The following MAP2 variants were observed in gnomAD, a reference collection of about 807,000 sequenced individuals.
The protein encoded by MAP2 is microtubule associated protein 2.
A neutral mutation model predicts 137.6 loss-of-function variants in MAP2; 14 were observed. The observed-to-expected ratio is 0.10, with a 90% CI of 0.07 to 0.16. The LOEUF (loss-of-function observed/expected upper bound fraction) is 0.16, where lower values mean the gene tolerates loss of function less well. Ranked by LOEUF, MAP2 falls within the 10% of genes least tolerant of loss-of-function variation. The pLI, the probability that MAP2 is intolerant of heterozygous loss-of-function variation, is 1.00. For missense variants in MAP2, 2,088 were observed against 2,191.5 expected, an observed-to-expected ratio of 0.95 and a Z score of 0.94; for synonymous variants, 786 against 782.3, an observed-to-expected ratio of 1.00 and a Z score of -0.08.
At chr2:209,626,247 C>A (rs2092302196) in intron 4 of MAP2, among the ~76,000 whole-genome samples, 1 of 152,036 alleles carries the variant, frequency 6.6e-6, no homozygotes, top group Admixed American at 6.6e-5. Flanking sequence ...AACCCCATCT[C>A]TACCAAAAAT....
intron 3 of MAP2, among the ~76,000 whole-genome samples, chr2:209,614,280 G>T (rs546500692): frequency 6.6e-6 from 1 of 152,148 alleles, no homozygotes; most frequent in Non-Finnish European, 1.5e-5. Context: ...GAATTGCATG[G>T]CCACTGACTG....
At chr2:209,526,500 T>C (rs968032303) in intron 2 of MAP2, among the ~76,000 whole-genome samples, 3 of 151,404 alleles carry the variant, frequency 2.0e-5, no homozygotes, top group Admixed American at 6.6e-5. Context: ...TTCTTTATTT[T>C]TTTCTTTCTT....
At chr2:209,443,506 C>G (rs1229134830) in intron 1 of MAP2, among the ~76,000 whole-genome samples, 1 of 151,594 alleles carries the variant, frequency 6.6e-6, no homozygotes, top group Admixed American at 6.6e-5. Context: ...TAACATTAGT[C>G]AAATGCTTTA....
At chr2:209,630,525 T>C (rs1259564458) in intron 4 of MAP2, among the ~76,000 whole-genome samples, 1 of 152,168 alleles carries the variant, frequency 6.6e-6, no homozygotes, top group Non-Finnish European at 1.5e-5. Context: ...GCCAGGATCC[T>C]ATACCTATGG....
intron 1 of MAP2, among the ~76,000 whole-genome samples, chr2:209,476,890 C>T (rs905574202): frequency 2.6e-5 from 4 of 152,070 alleles, no homozygotes; most frequent in African/African-American, 9.7e-5. Flanking sequence ...TTTTATTCTG[C>T]ACATGTAAAG....
intron 2 of MAP2, among the ~76,000 whole-genome samples, chr2:209,508,260 T>C (rs16842992): frequency 0.021 from 3,233 of 151,836 alleles, 126 homozygotes; most frequent in African/African-American, 0.074. Flanking sequence ...TCTATTTTTT[T>C]TCAACATGTA....
intron 11 of MAP2, chr2:209,704,749 A>G: frequency 1.3e-6 from 1 of 752,986 alleles, no homozygotes; most frequent in Non-Finnish European, 1.9e-6. Context: ...CATAAACAGT[A>G]GGCCCTTTTA....
intron 2 of MAP2, among the ~76,000 whole-genome samples, chr2:209,566,716 TTTG>T (rs375083039): frequency 4.6e-5 from 7 of 152,162 alleles, no homozygotes; most frequent in East Asian, 1.9e-4. Context: ...TCTTTGTTTT[TTTG>T]TTGTTGTTGT....
intron 3 of MAP2, among the ~76,000 whole-genome samples, chr2:209,581,020 G>T (rs1382966674): frequency 6.6e-6 from 1 of 152,090 alleles, no homozygotes; most frequent in East Asian, 1.9e-4. Flanking sequence ...TCAGTCCGAA[G>T]CATTTTACAC....
chr2:209,643,031 G>A (rs566240972), intron 4 of MAP2, among the ~76,000 whole-genome samples: 1 of 152,236 alleles, frequency 6.6e-6, no homozygotes, highest in South Asian at 2.1e-4. Flanking sequence ...GGTCATTTTA[G>A]CCTTTTGTTC....
chr2:209,718,586 C>T (rs571426226), intron 13 of MAP2, among the ~76,000 whole-genome samples: 2 of 151,986 alleles, frequency 1.3e-5, no homozygotes, highest in Admixed American at 6.6e-5. Context: ...TTTCCAAATT[C>T]TTCAGCATTA....
chr2:209,616,327 G>A (rs1262827511), intron 3 of MAP2, among the ~76,000 whole-genome samples: 2 of 152,158 alleles, frequency 1.3e-5, no homozygotes, highest in African/African-American at 4.8e-5. Flanking sequence ...AAGTTAGAAG[G>A]CTTAACCAAT....
chr2:209,531,538 T>C (rs288090), intron 2 of MAP2, among the ~76,000 whole-genome samples: 152,308 of 152,332 alleles, frequency 1, 76,142 homozygotes, highest in Middle Eastern at 1. Flanking sequence ...GCATGTCAAC[T>C]TTGAGAATAA....
intron 2 of MAP2, among the ~76,000 whole-genome samples, chr2:209,511,032 G>A (rs2150253435): frequency 6.6e-6 from 1 of 152,220 alleles, no homozygotes; most frequent in Admixed American, 6.5e-5. Context: ...AGCTTTTCTG[G>A]AAGTGTTTGG....
chr2:209,676,621 A>C lies in MAP2; in HGVS notation c.263-1951A>C, dbSNP rs116725337. On this transcript the variant is annotated intron_variant, in intron 5 of 15. Coordinates refer to ENST00000682079, the MANE Select transcript of MAP2 (RefSeq NM_001375505.1). The stretch of plus-strand genomic sequence containing the variant: ...TGGGAGATAAGCCATGTGAACCAGC[A>C]CAATTCCATGTGAGATGTACTAAAT... Among the ~76,000 whole-genome samples, 1,271 of 150,852 alleles carry C rather than the reference A, an allele frequency of 8.4e-3. 15 individuals carry two copies. Among genetic ancestry groups the C allele is most frequent in the African/African-American group, 0.028 (1,134 of 41,050 alleles).
At chr2:209,685,006 T>G (rs577217437) in intron 7 of MAP2, among the ~76,000 whole-genome samples, 10 of 150,722 alleles carry the variant, frequency 6.6e-5, no homozygotes, top group African/African-American at 2.4e-4. Flanking sequence ...GACATTGTGC[T>G]TGGCATTTTC....
chr2:209,602,321 A>G (rs956068718), intron 3 of MAP2, among the ~76,000 whole-genome samples: 3 of 152,220 alleles, frequency 2.0e-5, no homozygotes, highest in African/African-American at 7.2e-5. Context: ...TTCTCTTCAA[A>G]TATATTTGGA....
At chr2:209,618,886 C>T (rs528194977) in intron 3 of MAP2, among the ~76,000 whole-genome samples, 1 of 152,230 alleles carries the variant, frequency 6.6e-6, no homozygotes, top group South Asian at 2.1e-4. Context: ...AACCTGTGTC[C>T]ATCAACTGAT....
intron 1 of MAP2, among the ~76,000 whole-genome samples, chr2:209,435,928 A>G (rs1246072960): frequency 3.5e-5 from 5 of 143,356 alleles, no homozygotes; most frequent in African/African-American, 7.5e-5. Flanking sequence ...AAATATATAT[A>G]TTATATATAT....
Sources: allele counts gnomAD v4.1 joint callset (sites outside exome capture counted in the v4.1 genomes callset), GRCh38; gene constraint gnomAD v4.1.1; transcripts MANE v1.5; gene names NCBI Gene and HGNC (gene_info 2026-07-23, HGNC 2026-07-21).